EXOC3L2: variants seen among roughly 807,000 people sequenced by gnomAD.
EXOC3L2 encodes the protein exocyst complex component 3-like protein 2.
A neutral mutation model predicts 44.4 loss-of-function variants in EXOC3L2; 17 were observed. The ratio of observed to expected loss-of-function variants is 0.38; its 90% confidence interval spans 0.26 to 0.57. The LOEUF (loss-of-function observed/expected upper bound fraction) is 0.57, where lower values mean the gene tolerates loss of function less well. Among genes scored for constraint, EXOC3L2 ranks in the 20% least tolerant of loss-of-function variants. The pLI is 0.65. For synonymous variants in EXOC3L2, 256 were observed against 253.7 expected, an observed-to-expected ratio of 1.01 and a Z score of -0.09; for missense variants, 541 against 588.4, an observed-to-expected ratio of 0.92 and a Z score of 0.83.
chr19:45,226,747 C>CTCTTTTTTTTTT (rs1467930270), intron 7 of EXOC3L2, among the ~76,000 whole-genome samples: 4 of 90,670 alleles, frequency 4.4e-5, no homozygotes, highest in African/African-American at 1.8e-4. Context: ...ACTCCCATCT[C>CTCTTTTTTTTTT]TTTTTTTTTT....
rs141046425 is a variant in EXOC3L2, at chr19:45,220,852, A to G, written c.1720-2533T>C. Among the ~76,000 whole-genome samples the G allele has an allele frequency of 1.9e-3, 294 of 151,776 alleles. 1 individual carries two copies. The highest frequency in any genetic ancestry group is 5.3e-3 in the South Asian group (25 of 4,746). On this transcript the variant is annotated intron_variant, in intron 8 of 11. Coordinates refer to ENST00000413988, the MANE Select transcript of EXOC3L2 (RefSeq NM_001382422.1). The stretch of plus-strand genomic sequence containing the variant: ...GTAGAAATGATGGAGGAGGCTGGAA[A>G]AAAGGGGAAAGTGGAGATAGGGAGG...
At chr19:45,231,674 G>A (rs947742860) in intron 4 of EXOC3L2, 89 bp downstream of exon 4, 13 of 1,132,152 alleles carry the variant, frequency 1.1e-5, no homozygotes, top group Middle Eastern at 2.0e-4. Context: ...TGGAAAGAGT[G>A]AAAGGTGGAG....
chr19:45,244,240 C>T (rs778386461), intron 1 of EXOC3L2, among the ~76,000 whole-genome samples: 12 of 152,082 alleles, frequency 7.9e-5, no homozygotes, highest in Non-Finnish European at 1.6e-4. Flanking sequence ...CTTTCATCCT[C>T]TGAACTGGCA....
chr19:45,225,025 G>A lies in EXOC3L2; in HGVS notation c.1584-112C>T, dbSNP rs1969942090. The A allele has an allele frequency of 2.3e-6, 3 of 1,296,130 alleles. 1 individual carries two copies. Among genetic ancestry groups the A allele is most frequent in the African/African-American group, 3.1e-5 (2 of 65,420 alleles). The allele number at this position is 1,296,130 out of a possible 1,614,324, so 80.3% of individuals were successfully genotyped here. On this transcript the variant is annotated intron_variant, in intron 7 of 11. Coordinates refer to ENST00000413988, the MANE Select transcript of EXOC3L2 (RefSeq NM_001382422.1). ...GGGCACAGGGGTGACAGGTCAGATG[G>A]GGGGCTGAGAAAGGTCAGGGACTCT... is the stretch of plus-strand genomic sequence containing the variant.
chr19:45,216,572 C>G (rs924107090), intron 10 of EXOC3L2: 2 of 155,716 alleles, frequency 1.3e-5, no homozygotes, highest in African/African-American at 4.8e-5. Context: ...GAGCGAGACT[C>G]TGTCTCAAAA....
At chr19:45,218,910 C>T (rs1969867488) in intron 8 of EXOC3L2, among the ~76,000 whole-genome samples, 1 of 152,006 alleles carries the variant, frequency 6.6e-6, no homozygotes, top group African/African-American at 2.4e-5. Context: ...CCAGCCTGGG[C>T]AACATTGCGA....
intron 8 of EXOC3L2, 40 bp downstream of exon 8, chr19:45,224,738 C>T (rs753261271): frequency 1.3e-6 from 2 of 1,538,320 alleles, no homozygotes; most frequent in South Asian, 2.4e-5. Flanking sequence ...GCTTCCCTGT[C>T]CTGGCATGGG....
At chr19:45,233,109 G>A (rs1375446613) in intron 3 of EXOC3L2, among the ~76,000 whole-genome samples, 2 of 152,094 alleles carry the variant, frequency 1.3e-5, no homozygotes, top group African/African-American at 4.8e-5. Flanking sequence ...CCAGCTACTC[G>A]GGAGGCTGAG....
chr19:45,228,675 G>A (rs1236972019), intron 4 of EXOC3L2, among the ~76,000 whole-genome samples: 1 of 152,112 alleles, frequency 6.6e-6, no homozygotes, highest in East Asian at 1.9e-4. Context: ...AGGAGGCAGA[G>A]GCAGGAGAAT....
rs1969828101 is a variant in EXOC3L2 at position 45,215,886 on chromosome 19, G to GGCA, written c.2120+184_2120+186dup. On this transcript the variant is annotated intron_variant, in intron 11 of 11. Transcript: ENST00000413988. ...GAGCCCTGGTGGCGGTGGCGGCGGA[G>GGCA]GCAGCAGCGGCGGCAGGAGAAGGAG... 2.0e-5 allele frequency among the ~76,000 whole-genome samples: 3 copies of GGCA among 152,170 alleles called. No individual in the cohort carries two copies. In the South Asian group the frequency reaches 6.2e-4, roughly 32 times the overall value.
intron 8 of EXOC3L2, among the ~76,000 whole-genome samples, chr19:45,219,082 G>A (rs1343755078): frequency 1.3e-5 from 2 of 151,938 alleles, no homozygotes; most frequent in Admixed American, 6.6e-5. Context: ...GCGCGGTGGC[G>A]TGCAACTGTA....
Position 45,241,436 on chromosome 19 carries a change from C to A in EXOC3L2, c.-16-2375G>T, listed in dbSNP as rs189844680. Among the ~76,000 whole-genome samples the A allele has an allele frequency of 4.0e-5, 6 of 150,472 alleles. 1 individual carries two copies. The highest frequency in any genetic ancestry group is 2.6e-4 in the Admixed American group (4 of 15,114). On this transcript the variant is annotated intron_variant, in intron 1 of 11. Coordinates refer to ENST00000413988, the MANE Select transcript of EXOC3L2 (RefSeq NM_001382422.1). ...GAGATTGCAGTGAGCTGAGATCGCG[C>A]CACTGCACTCCAGCCTGGGCGACAG...
intron 11 of EXOC3L2, among the ~76,000 whole-genome samples, chr19:45,215,029 G>A (rs1356923378): frequency 2.0e-5 from 3 of 151,836 alleles, no homozygotes; most frequent in Non-Finnish European, 4.4e-5. Context: ...GGTGGCACAT[G>A]CCTATACTTG....
chr19:45,218,092 C>CT (rs1969856337), intron 9 of EXOC3L2, 105 bp downstream of exon 9: 1 of 1,400,150 alleles, frequency 7.1e-7, no homozygotes, highest in Admixed American at 2.6e-5. Flanking sequence ...CAGGAGCGTT[C>CT]TTGGCTCTCC....
chr19:45,216,279 C>A, intron 10 of EXOC3L2, 85 bp from the exon 11 acceptor site: 1 of 1,524,682 alleles, frequency 6.6e-7, no homozygotes, highest in South Asian at 1.2e-5. Flanking sequence ...TATACCATCT[C>A]TAAAATGTAG....
chr19:45,232,183 T>C (rs1437372338), intron 3 of EXOC3L2, among the ~76,000 whole-genome samples: 1 of 152,126 alleles, frequency 6.6e-6, no homozygotes, highest in Non-Finnish European at 1.5e-5. Flanking sequence ...CCTTTGCACC[T>C]ATGCTCTGAG....
rs74899796 is a variant in EXOC3L2, at chr19:45,244,576, C to T, written c.-17+765G>A. 2.5e-3 allele frequency among the ~76,000 whole-genome samples: 375 copies of T among 152,216 alleles called. 3 individuals carry two copies. Among genetic ancestry groups the T allele is most frequent in the African/African-American group, 8.4e-3 (349 of 41,520 alleles). ...CAGTGCCCAGCCCCTGACTCACTTC[C>T]GAGGCATCCCTCAAGCCCCCAGCCT... On this transcript the variant is annotated intron_variant, in intron 1 of 11. Coordinates refer to ENST00000413988, the MANE Select transcript of EXOC3L2 (RefSeq NM_001382422.1).
At chr19:45,217,803 C>T (rs1969853239) in intron 9 of EXOC3L2, 120 bp from the exon 10 acceptor site, 1 of 1,216,688 alleles carries the variant, frequency 8.2e-7, no homozygotes, top group South Asian at 1.8e-5. Context: ...CCCATGGGCA[C>T]CCTTCCCGTG....
intron 11 of EXOC3L2, 63 bp downstream of exon 11, chr19:45,216,010 G>A: frequency 6.3e-7 from 1 of 1,595,804 alleles, no homozygotes; most frequent in South Asian, 1.1e-5. Flanking sequence ...AGGGACGGAT[G>A]CCAAGGCCGC....
Sources: gnomAD v4.1 joint callset for allele counts (sites outside exome capture counted in the v4.1 genomes callset) on GRCh38, gnomAD v4.1.1 for gene constraint, MANE v1.5 for transcripts, NCBI Gene and HGNC (gene_info 2026-07-23, HGNC 2026-07-21) for gene names.